FBXW7: variants seen among roughly 807,000 people sequenced by gnomAD.
FBXW7 encodes the protein F-box and WD repeat domain containing 7.
FBXW7 carries 11 observed loss-of-function variants against 86.3 expected under a neutral mutation model. The ratio of observed to expected loss-of-function variants is 0.13; its 90% CI spans 0.08 to 0.21. The LOEUF is 0.21. Among genes scored for constraint, FBXW7 ranks in the 10% least tolerant of loss-of-function variants. The probability of loss-of-function intolerance (pLI) is 1.00; values close to 1 mark genes in which losing one functional copy is unlikely to be tolerated. For missense variants in FBXW7, 488 were observed against 847.4 expected (o/e 0.58, Z 5.27); for synonymous variants, 313 against 297.9 (o/e 1.05, Z -0.52).
chr4:152,404,984 C>T (rs937848232), intron 4 of FBXW7, among the ~76,000 whole-genome samples: 2 of 149,426 alleles, frequency 1.3e-5, no homozygotes, highest in South Asian at 2.1e-4. Flanking sequence ...CCCAGTTACT[C>T]GGGAGGCTGA....
intron 4 of FBXW7, chr4:152,352,980 G>A: frequency 3.8e-6 from 5 of 1,319,116 alleles, no homozygotes; most frequent in Non-Finnish European, 4.8e-6. Context: ...CTGAACAGAG[G>A]GAGGATGTGG....
rs1747626016 is a variant in FBXW7, at chr4:152,508,352, A to G, written c.-120+26589T>C. ...CAAAAACCACTAATGTAAATACAGAAGAAATGATGGAAACAGAAAATCACC... is the reference window on the plus strand; with the variant it reads ...CAAAAACCACTAATGTAAATACAGAGGAAATGATGGAAACAGAAAATCACC... On this transcript the variant is annotated intron_variant, in intron 2 of 13. Transcript: ENST00000281708. Among the ~76,000 whole-genome samples the G allele has an allele frequency of 2.0e-5, 3 of 152,326 alleles. No individual in the cohort carries two copies. In the South Asian group the frequency reaches 6.2e-4, roughly 32 times the overall value.
chr4:152,472,465 T>C (rs970827789), intron 2 of FBXW7, among the ~76,000 whole-genome samples: 2 of 151,940 alleles, frequency 1.3e-5, no homozygotes, highest in Non-Finnish European at 2.9e-5. Context: ...TCAGTGAAAA[T>C]GAAAAATGCT....
chr4:152,467,162 T>A (rs1743530656), intron 2 of FBXW7, among the ~76,000 whole-genome samples: 1 of 152,136 alleles, frequency 6.6e-6, no homozygotes, highest in Non-Finnish European at 1.5e-5. Flanking sequence ...GTTCTCACAA[T>A]CCCCAAGTGT....
At chr4:152,516,682 C>A (rs1748527372) in intron 2 of FBXW7, among the ~76,000 whole-genome samples, 1 of 152,184 alleles carries the variant, frequency 6.6e-6, no homozygotes, top group African/African-American at 2.4e-5. Context: ...TTTCACAAGT[C>A]AGCAAGATAA....
At chr4:152,473,476 G>A (rs1744135497) in intron 2 of FBXW7, among the ~76,000 whole-genome samples, 1 of 152,000 alleles carries the variant, frequency 6.6e-6, no homozygotes, top group African/African-American at 2.4e-5. Context: ...GGAATCTTTT[G>A]AAGAAAAACC....
rs370639568 is a variant in FBXW7 at position 152,350,142 on chromosome 4, C to A, written c.502-18G>T. ...CTTTTCATCTATAAGGTAAAACAAA[C>A]AAGATATGTTTTTTAAAAATCGTCT... On this transcript the variant is annotated intron_variant, in intron 4 of 13. Transcript: ENST00000281708. 82 of 1,455,330 alleles carry A rather than the reference C, an allele frequency of 5.6e-5. No individual in the cohort carries two copies. In the South Asian group the frequency reaches 1.0e-3, roughly 19 times the overall value. 90.2% of individuals were successfully genotyped at this position (1,455,330 alleles called of 1,614,324 possible). A position where few individuals can be genotyped will look rare whatever the true frequency, so the allele number is the denominator to read the frequency against.
At chr4:152,394,929 A>G (rs183254751) in intron 4 of FBXW7, among the ~76,000 whole-genome samples, 133 of 152,192 alleles carry the variant, frequency 8.7e-4, no homozygotes, top group African/African-American at 2.9e-3. Context: ...ACCACTATTC[A>G]TGAGAATTAA....
At chr4:152,435,139 G>GT (rs1365792993) in intron 2 of FBXW7, among the ~76,000 whole-genome samples, 2 of 143,950 alleles carry the variant, frequency 1.4e-5, no homozygotes, top group Non-Finnish European at 3.0e-5. Context: ...TACCAAACAC[G>GT]TAAGTATGCA....
chr4:152,511,584 T>G (rs1001925776), intron 2 of FBXW7, among the ~76,000 whole-genome samples: 7 of 152,160 alleles, frequency 4.6e-5, no homozygotes, highest in African/African-American at 1.7e-4. Flanking sequence ...TTATTCACTG[T>G]AGTATTATCT....
At chr4:152,374,351 T>C (rs1181224081) in intron 4 of FBXW7, among the ~76,000 whole-genome samples, 1 of 152,120 alleles carries the variant, frequency 6.6e-6, no homozygotes, top group Admixed American at 6.6e-5. Flanking sequence ...ACCATGTGTG[T>C]TTCTTTTTCA....
chr4:152,508,654 C>CAA (rs1206694443), intron 2 of FBXW7, among the ~76,000 whole-genome samples: 19 of 95,484 alleles, frequency 2.0e-4, no homozygotes, highest in Non-Finnish European at 3.4e-4. Context: ...CGTGCCACTG[C>CAA]AAAAAAAAAA....
chr4:152,473,777 T>C (rs1156303339), intron 2 of FBXW7, among the ~76,000 whole-genome samples: 3 of 152,174 alleles, frequency 2.0e-5, no homozygotes, highest in African/African-American at 7.2e-5. Flanking sequence ...TTCAGATACT[T>C]ATCTTTCTAA....
At chr4:152,344,540 T>C (rs1731074106) in intron 6 of FBXW7, among the ~76,000 whole-genome samples, 1 of 152,124 alleles carries the variant, frequency 6.6e-6, no homozygotes, top group Non-Finnish European at 1.5e-5. Context: ...ACAGTTTTTT[T>C]TTTTTTCACA....
intron 5 of FBXW7, among the ~76,000 whole-genome samples, chr4:152,348,181 T>C (rs1189963547): frequency 6.6e-6 from 1 of 151,054 alleles, no homozygotes; most frequent in African/African-American, 2.4e-5. Context: ...TGTTAAAAAA[T>C]GTATCTCAGT....
At chr4:152,522,228 A>T (rs559620211) in intron 2 of FBXW7, among the ~76,000 whole-genome samples, 7 of 152,302 alleles carry the variant, frequency 4.6e-5, no homozygotes, top group Admixed American at 3.9e-4. Context: ...CCCTCTATTC[A>T]TAATACACTT....
At chr4:152,387,494 G>A (rs1042653635) in intron 4 of FBXW7, among the ~76,000 whole-genome samples, 1 of 151,100 alleles carries the variant, frequency 6.6e-6, no homozygotes, top group Admixed American at 6.6e-5. Context: ...ACAAATGAAC[G>A]CAATTCATGG....
chr4:152,499,721 T>C (rs58608256), intron 2 of FBXW7, among the ~76,000 whole-genome samples: 4,661 of 152,028 alleles, frequency 0.031, 120 homozygotes, highest in African/African-American at 0.062. Flanking sequence ...AACACAAAAG[T>C]TAACTTTTGT....
intron 2 of FBXW7, among the ~76,000 whole-genome samples, chr4:152,442,738 GTT>G (rs1412966362): frequency 6.6e-6 from 1 of 152,190 alleles, no homozygotes; most frequent in Non-Finnish European, 1.5e-5. Flanking sequence ...TTATACAACA[GTT>G]TTGTTTCCCA....
Sources: gnomAD v4.1 joint callset for allele counts (sites outside exome capture counted in the v4.1 genomes callset) on GRCh38, gnomAD v4.1.1 for gene constraint, MANE v1.5 for transcripts, NCBI Gene and HGNC (gene_info 2026-07-23, HGNC 2026-07-21) for gene names.